The following TTLL11 variants were observed in gnomAD, a reference collection of about 807,000 sequenced individuals.
TTLL11 encodes tubulin polyglutamylase TTLL11.
A neutral mutation model predicts 51.7 loss-of-function variants in TTLL11; 42 were observed. The ratio of observed to expected loss-of-function variants is 0.81; its 90% CI spans 0.64 to 1.05. TTLL11 has a LOEUF of 1.05. TTLL11 is among the 50% of genes least tolerant of loss of function. The probability of loss-of-function intolerance (pLI) is 0.00; values close to 1 mark genes in which losing one functional copy is unlikely to be tolerated. For missense variants in TTLL11, 799 were observed against 940.4 expected (o/e 0.85, Z 1.97); for synonymous variants, 381 against 383.5 (o/e 0.99, Z 0.08).
intron 1 of TTLL11, among the ~76,000 whole-genome samples, chr9:122,089,016 CAAAAAA>C: frequency 1.1e-5 from 1 of 91,948 alleles, no homozygotes; most frequent in South Asian, 4.1e-4. Context: ...CACCCTGTCT[CAAAAAA>C]AAAAAAAAAA....
At position 121,898,797 on chromosome 9, in the gene TTLL11, CCA is replaced by C. The variant is rs1368356198; in HGVS notation, c.1482-28051_1482-28050del. 4.6e-5 allele frequency among the ~76,000 whole-genome samples: 7 copies of C among 152,268 alleles called. No homozygotes were observed. The East Asian group carries it at 1.4e-3, about 29-fold the overall frequency. ...GCCTCCTGAGTGGCTAAGACTACAG[CCA>C]CATACATGGTTTAGACTTCACGCAA... On this transcript the variant is annotated intron_variant, in intron 6 of 8. Coordinates refer to ENST00000321582, the MANE Select transcript of TTLL11 (RefSeq NM_001139442.2).
chr9:122,045,225 C>G (rs60796746), intron 1 of TTLL11, among the ~76,000 whole-genome samples: 76 of 152,112 alleles, frequency 5.0e-4, no homozygotes, highest in African/African-American at 1.7e-3. Flanking sequence ...GCTGATTGAT[C>G]TAGCAATTCC....
chr9:121,888,168 G>T (rs753604422), intron 6 of TTLL11, among the ~76,000 whole-genome samples: 14 of 152,262 alleles, frequency 9.2e-5, no homozygotes, highest in Admixed American at 6.5e-4. Flanking sequence ...GACTGAGAAG[G>T]TCCCAAGGCC....
At chr9:121,991,617 CA>C (rs1450450184) in intron 3 of TTLL11, among the ~76,000 whole-genome samples, 2 of 152,202 alleles carry the variant, frequency 1.3e-5, no homozygotes, top group Non-Finnish European at 2.9e-5. Context: ...AAGACACTAA[CA>C]GTTCAATATA....
At chr9:121,913,933 AG>A (rs1840231734) in intron 6 of TTLL11, among the ~76,000 whole-genome samples, 1 of 152,206 alleles carries the variant, frequency 6.6e-6, no homozygotes, top group African/African-American at 2.4e-5. Flanking sequence ...TGACATCTAC[AG>A]GCCAGGGTTC....
intron 6 of TTLL11, among the ~76,000 whole-genome samples, chr9:121,958,836 G>T (rs1210630550): frequency 6.6e-6 from 1 of 152,150 alleles, no homozygotes; most frequent in Non-Finnish European, 1.5e-5. Flanking sequence ...AGGTGTATGG[G>T]GAGATGGGGG....
At chr9:121,971,067 TG>T (rs1277705902) in intron 6 of TTLL11, among the ~76,000 whole-genome samples, 27 of 105,886 alleles carry the variant, frequency 2.5e-4, no homozygotes, top group Non-Finnish European at 3.5e-4. Flanking sequence ...GGGAGGGAGG[TG>T]GGGGGGTCAG....
Position 121,897,640 on chromosome 9 carries a change from A to ACACACACG in TTLL11, c.1482-26893_1482-26892insCGTGTGTG, listed in dbSNP as rs111331446. ...CAGGCACACACACACACACACACACACGCGCGCGCGAAGTCTCCAACTGCC... is the reference window on the plus strand; with the variant it reads ...CAGGCACACACACACACACACACACACACACACGCGCGCGCGCGAAGTCTCCAACTGCC... On this transcript the variant is annotated intron_variant, in intron 6 of 8. Coordinates refer to ENST00000321582, the MANE Select transcript of TTLL11 (RefSeq NM_001139442.2). Among the ~76,000 whole-genome samples, 93 of 139,384 alleles carry ACACACACG rather than the reference A, an allele frequency of 6.7e-4. 1 individual carries two copies. The Middle Eastern group carries it at 0.011, about 17-fold the overall frequency. The allele number at this position is 139,384 out of a possible 152,430, so 91.4% of individuals were successfully genotyped here. A position where few individuals can be genotyped will look rare whatever the true frequency, so the allele number is the denominator to read the frequency against.
intron 6 of TTLL11, among the ~76,000 whole-genome samples, chr9:121,969,921 G>C (rs1842507937): frequency 6.6e-6 from 1 of 152,194 alleles, no homozygotes; most frequent in Non-Finnish European, 1.5e-5. Context: ...CTTTTCCTCT[G>C]CATGGTAAGT....
intron 1 of TTLL11, among the ~76,000 whole-genome samples, chr9:122,069,693 G>A (rs1588255277): frequency 6.6e-6 from 1 of 151,990 alleles, no homozygotes; most frequent in African/African-American, 2.4e-5. Flanking sequence ...AAAAACAACA[G>A]CAACAACAAA....
At chr9:121,854,941 A>T (rs1837768456) in intron 8 of TTLL11, among the ~76,000 whole-genome samples, 2 of 152,170 alleles carry the variant, frequency 1.3e-5, no homozygotes, top group Non-Finnish European at 2.9e-5. Context: ...TTTTTAAATG[A>T]CAATTAACAT....
chr9:122,034,746 C>T (rs988285642), intron 2 of TTLL11, among the ~76,000 whole-genome samples: 3 of 152,180 alleles, frequency 2.0e-5, no homozygotes, highest in Non-Finnish European at 2.9e-5. Context: ...CTAGCTGATC[C>T]AGGGCACGCG....
chr9:122,043,356 T>A (rs376566629), intron 1 of TTLL11, among the ~76,000 whole-genome samples: 43 of 152,318 alleles, frequency 2.8e-4, no homozygotes, highest in African/African-American at 1.0e-3. Context: ...ATCAAATGAT[T>A]CTCAACAAGG....
rs1201448761 is a variant in TTLL11, at chr9:121,853,319, G to A, written c.1840+7018C>T. On this transcript the variant is annotated intron_variant, in intron 8 of 8. Transcript: ENST00000321582. The surrounding 1 kb of genome is among the most constrained non-coding windows in gnomAD (Gnocchi z 5.6). ...GGGCAGATGTCCAGGCCCTTTCACA[G>A]TACTCAATGTGTGCTGTGGTCAAGG... Among the ~76,000 whole-genome samples, 1 of 152,148 alleles carries A rather than the reference G, an allele frequency of 6.6e-6. No homozygotes were observed. The highest frequency in any genetic ancestry group is 2.4e-5 in the African/African-American group (1 of 41,422).
At chr9:121,917,761 G>A (rs909651443) in intron 6 of TTLL11, among the ~76,000 whole-genome samples, 12 of 152,042 alleles carry the variant, frequency 7.9e-5, no homozygotes, top group African/African-American at 2.7e-4. Flanking sequence ...AGCATAAATT[G>A]TGAGTATAAT....
At chr9:122,022,103 A>T (rs1564362035) in intron 3 of TTLL11, among the ~76,000 whole-genome samples, 1 of 152,182 alleles carries the variant, frequency 6.6e-6, no homozygotes, top group East Asian at 1.9e-4. Context: ...AAACAGAATG[A>T]TTTTTTTAAA....
chr9:122,090,180 T>C (rs563600924), intron 1 of TTLL11, among the ~76,000 whole-genome samples: 1 of 152,296 alleles, frequency 6.6e-6, no homozygotes, highest in South Asian at 2.1e-4. Context: ...ATTATGCGGC[T>C]ACCGAAGTAG....
chr9:121,928,387 C>T (rs188320272), intron 6 of TTLL11, among the ~76,000 whole-genome samples: 1 of 152,068 alleles, frequency 6.6e-6, no homozygotes, highest in Non-Finnish European at 1.5e-5. Flanking sequence ...AAACACATAT[C>T]CATCACCTCT....
At chr9:121,855,878 T>C (rs956843663) in intron 8 of TTLL11, among the ~76,000 whole-genome samples, 17 of 152,214 alleles carry the variant, frequency 1.1e-4, no homozygotes, top group African/African-American at 3.9e-4. Context: ...GCATGCTACG[T>C]GCCTTGTATG....
Sources: gnomAD v4.1 joint callset for allele counts (sites outside exome capture counted in the v4.1 genomes callset) on GRCh38, gnomAD v4.1.1 for gene constraint, Gnocchi (gnomAD v3.1) non-coding constraint, MANE v1.5 for transcripts, NCBI Gene and HGNC (gene_info 2026-07-23, HGNC 2026-07-21) for gene names.